KIF24: variants seen among roughly 807,000 people sequenced by gnomAD.
KIF24 encodes the protein kinesin family member 24.
In KIF24, 81 loss-of-function variants were observed where a neutral mutation model predicts 118.9. The observed-to-expected ratio is 0.68, with a 90% CI of 0.57 to 0.82. KIF24 has a LOEUF of 0.82. KIF24 is among the 40% of genes least tolerant of loss of function. The pLI is 0.00. For missense variants in KIF24, 1,560 were observed against 1,661.6 expected (o/e 0.94, Z 1.06); for synonymous variants, 599 against 610.0 (o/e 0.98, Z 0.27).
At chr9:34,294,432 C>T (rs567281791) in intron 4 of KIF24, among the ~76,000 whole-genome samples, 11 of 152,162 alleles carry the variant, frequency 7.2e-5, no homozygotes, top group African/African-American at 2.2e-4. Context: ...ATTACAATCC[C>T]AGCTACTTGG....
At chr9:34,288,848 CCACACACA>C (rs10537521) in intron 5 of KIF24, among the ~76,000 whole-genome samples, 1,530 of 138,946 alleles carry the variant, frequency 0.011, 32 homozygotes, top group African/African-American at 0.034. Flanking sequence ...CCCAAATAAA[CCACACACA>C]CACACACACA....
chr9:34,295,461 G>A (rs1836431014), intron 4 of KIF24, among the ~76,000 whole-genome samples: 1 of 152,100 alleles, frequency 6.6e-6, no homozygotes, highest in Non-Finnish European at 1.5e-5. Context: ...AGGATTGCTT[G>A]AGCCCAGAAA....
chr9:34,279,437 T>C (rs1835767126), intron 6 of KIF24, among the ~76,000 whole-genome samples: 1 of 152,230 alleles, frequency 6.6e-6, no homozygotes. Context: ...TGTAAAAAAT[T>C]GTGAATCTCT....
In KIF24 at chr9:34,257,724, C is replaced by A; in HGVS notation, c.1883G>T (p.Gly628Val). The change falls in exon 11 of 13, where the codon GGT becomes GTT. Residue 628 changes from glycine to valine, a missense_variant. By Grantham distance (109) the Gly-to-Val change is moderately radical. Coordinates refer to ENST00000402558, the MANE Select transcript of KIF24 (RefSeq NM_194313.4). ...IPFTSAPKVS[G>V]KRGGSRGSPS... ...ACTCCCTCTGGAGCCACCCCTTTTACCAGAGACCTTAGGTGCAGAAGTAAA... is the reference window on the plus strand; with the variant it reads ...ACTCCCTCTGGAGCCACCCCTTTTAACAGAGACCTTAGGTGCAGAAGTAAA... 2 of 1,614,030 alleles carry A rather than the reference C, an allele frequency of 1.2e-6. No individual in the cohort carries two copies. Among genetic ancestry groups the A allele is most frequent in the Non-Finnish European group, 1.7e-6 (2 of 1,179,896 alleles).
At position 34,263,145 on chromosome 9, in the gene KIF24, G is replaced by C; in HGVS notation, c.1471C>G (p.Gln491Glu). The C allele has an allele frequency of 6.2e-7, 1 of 1,613,422 alleles. No homozygotes were observed. Among genetic ancestry groups the C allele is most frequent in the Non-Finnish European group, 8.5e-7 (1 of 1,179,626 alleles). ...CTGAAGGGAGTATGGGTGTGTTCCT[G>C]ATCCAGTGCTCGGATACATTCCTTC... The part of the protein sequence containing the change: ...ALKECIRALD[Q>E]EHTHTPFRQS... Residue 491 changes from glutamine (Q) to glutamate (E), a missense_variant, in exon 9 of 13, where the codon CAG becomes GAG. Physicochemically the swap from Gln to Glu is conservative, Grantham distance 29. Around this residue, in one of 3 missense-constraint regions of KIF24, gnomAD observed 964 missense variants for 988.0 expected, o/e 0.98. Transcript: ENST00000402558.
chr9:34,314,961 C>A (rs1306053472), intron 1 of KIF24, among the ~76,000 whole-genome samples: 1 of 152,130 alleles, frequency 6.6e-6, no homozygotes, highest in African/African-American at 2.4e-5. Context: ...AAATCTATAT[C>A]TTTGCTTATC....
intron 6 of KIF24, among the ~76,000 whole-genome samples, chr9:34,285,445 C>T (rs1273448760): frequency 6.6e-6 from 1 of 151,812 alleles, no homozygotes; most frequent in Non-Finnish European, 1.5e-5. Context: ...CTAGGCGACA[C>T]AGCAAGACAC....
rs933229377 is a variant in KIF24 at position 34,318,949 on chromosome 9, C to A, written c.-25-7578G>T. On this transcript the variant is annotated intron_variant, in intron 1 of 12. Coordinates refer to ENST00000402558, the MANE Select transcript of KIF24 (RefSeq NM_194313.4). This position sits in a 1 kb window ranked among gnomAD's most constrained non-coding sequence, Gnocchi z 4.9. ...ACGAGTGGGCCGTGCAGACCACCGACGGCAAGCTGCCCAAGGTCACCAAGG... is the reference window on the plus strand; with the variant it reads ...ACGAGTGGGCCGTGCAGACCACCGAAGGCAAGCTGCCCAAGGTCACCAAGG... The A allele has an allele frequency of 3.3e-6, 5 of 1,498,198 alleles. No homozygotes were observed. The highest frequency in any genetic ancestry group is 4.5e-5 in the East Asian group (2 of 44,304). The allele number at this position is 1,498,198 out of a possible 1,614,324, so 92.8% of individuals were successfully genotyped here.
chr9:34,277,012 G>A (rs1285621105), intron 6 of KIF24, among the ~76,000 whole-genome samples: 1 of 152,172 alleles, frequency 6.6e-6, no homozygotes, highest in Non-Finnish European at 1.5e-5. Flanking sequence ...CACAGGCTGG[G>A]ATGCGATGCT....
At chr9:34,281,171 G>A (rs1235303862) in intron 6 of KIF24, among the ~76,000 whole-genome samples, 6 of 152,042 alleles carry the variant, frequency 3.9e-5, no homozygotes, top group African/African-American at 9.7e-5. Flanking sequence ...GATTACAAGC[G>A]CCCACCACCA....
At chr9:34,262,678 ATATATATAT>A (rs1835129418) in intron 9 of KIF24, among the ~76,000 whole-genome samples, 27 of 17,348 alleles carry the variant, frequency 1.6e-3, no homozygotes, top group Admixed American at 2.7e-3. Flanking sequence ...AAAAAAAAAT[ATATATATAT>A]ATATATATAT....
chr9:34,263,023 C>T (rs1232957388), intron 9 of KIF24, 78 bp downstream of exon 9: 15 of 1,105,226 alleles, frequency 1.4e-5, no homozygotes, highest in Non-Finnish European at 1.9e-5. Flanking sequence ...AGTGGATGCT[C>T]GACTGAATGA....
rs1173854266 is a variant in KIF24 at position 34,311,032 on chromosome 9, G to A, written c.315C>T (p.Asp105=). The A allele has an allele frequency of 5.0e-6, 8 of 1,613,742 alleles. No individual in the cohort carries two copies. Among genetic ancestry groups the A allele is most frequent in the Non-Finnish European group, 6.8e-6 (8 of 1,179,810 alleles). The part of the protein sequence containing the change: ...RRQLNFDSPA[D]NKDRNASNDG... ...CATTGCTGGCATTTCTGTCTTTATT[G>A]TCAGCAGGAGAATCAAAATTCAGCT... Residue 105 remains aspartate, a synonymous_variant, in exon 2 of 13, where the codon GAC becomes GAT. Transcript: ENST00000402558.
chr9:34,267,293 A>C (rs1835331541), intron 8 of KIF24, among the ~76,000 whole-genome samples: 1 of 152,124 alleles, frequency 6.6e-6, no homozygotes, highest in Non-Finnish European at 1.5e-5. Flanking sequence ...ATAAAATAAA[A>C]AATAAAGGCT....
chr9:34,309,305 G>A (rs1214585326), intron 2 of KIF24, among the ~76,000 whole-genome samples: 1 of 152,102 alleles, frequency 6.6e-6, no homozygotes, highest in Admixed American at 6.6e-5. Flanking sequence ...ATTTTGGGAG[G>A]CTGAGGCGGG....
intron 3 of KIF24, among the ~76,000 whole-genome samples, chr9:34,302,716 C>G (rs963540183): frequency 6.6e-6 from 1 of 152,002 alleles, no homozygotes; most frequent in Non-Finnish European, 1.5e-5. Context: ...ATCTGCCCCC[C>G]TCATCCTCCC....
chr9:34,269,123 C>A (rs868861849), intron 8 of KIF24, 134 bp downstream of exon 8: 14 of 500,202 alleles, frequency 2.8e-5, no homozygotes, highest in African/African-American at 2.6e-4. Context: ...CTATCTCCAA[C>A]CCTGGCATTC....
intron 1 of KIF24, among the ~76,000 whole-genome samples, chr9:34,320,658 C>CAAAAAAAAAAAAAAAAA (rs68048466): frequency 1.8e-5 from 1 of 54,432 alleles, no homozygotes; most frequent in Non-Finnish European, 3.1e-5. Context: ...AACTCCTTCT[C>CAAAAAAAAAAAAAAAAA]AAAAAAAAAA....
Position 34,255,075 on chromosome 9 carries a change from A to T in KIF24, c.3963T>A (p.Ser1321=). The T allele has an allele frequency of 3.2e-6, 5 of 1,581,918 alleles. No individual in the cohort carries two copies. The South Asian group carries it at 5.8e-5, about 18-fold the overall frequency. ...KEETLMSQLA[S]NDFEDFVTQL... The stretch of plus-strand genomic sequence containing the variant: ...GTGTCCAGCCAGGGCTACTTACATT[A>T]GAAGCCAGCTGGCTCATCAGCGTCT... Residue 1321 remains serine (S), a synonymous_variant, in exon 12 of 13, where the codon TCT becomes TCA. Transcript: ENST00000402558.
Sources: allele counts gnomAD v4.1 joint callset (sites outside exome capture counted in the v4.1 genomes callset), GRCh38; gene constraint gnomAD v4.1.1; regional missense constraint gnomAD v4.1.1; non-coding constraint Gnocchi (gnomAD v3.1); transcripts MANE v1.5; gene names NCBI Gene and HGNC (gene_info 2026-07-23, HGNC 2026-07-21).